ROBO1: variants seen among roughly 807,000 people sequenced by gnomAD.
The protein encoded by ROBO1 is roundabout homolog 1.
ROBO1 carries 149 observed loss-of-function variants against 195.9 expected under a neutral mutation model. The ratio of observed to expected loss-of-function variants is 0.76; its 90% confidence interval spans 0.67 to 0.87. ROBO1 has a LOEUF of 0.87. Among genes scored for constraint, ROBO1 ranks in the 40% least tolerant of loss-of-function variants. The probability of loss-of-function intolerance (pLI) is 0.00; values close to 1 mark genes in which losing one functional copy is unlikely to be tolerated. For missense variants in ROBO1, 1,933 were observed against 2,068.3 expected (o/e 0.93, Z 1.27); for synonymous variants, 816 against 733.2 (o/e 1.11, Z -1.82).
intron 26 of ROBO1, among the ~76,000 whole-genome samples, chr3:78,623,729 C>G (rs1375921299): frequency 2.0e-5 from 3 of 152,116 alleles, no homozygotes; most frequent in Non-Finnish European, 4.4e-5. Context: ...GCTGTCGGAA[C>G]TAGGAAAGTG....
intron 5 of ROBO1, among the ~76,000 whole-genome samples, chr3:78,723,988 AC>A (rs1366090702): frequency 6.6e-6 from 1 of 152,150 alleles, no homozygotes; most frequent in African/African-American, 2.4e-5. Flanking sequence ...TTATATACTC[AC>A]TGACAATAAT....
chr3:79,687,747 T>C (rs1407738764), intron 1 of ROBO1, among the ~76,000 whole-genome samples: 1 of 152,066 alleles, frequency 6.6e-6, no homozygotes, highest in Non-Finnish European at 1.5e-5. Flanking sequence ...TGTGGAGAAA[T>C]AGGAACACTT....
At chr3:78,953,617 T>A (rs1320904176) in intron 3 of ROBO1, among the ~76,000 whole-genome samples, 1 of 151,782 alleles carries the variant, frequency 6.6e-6, no homozygotes, top group Non-Finnish European at 1.5e-5. Flanking sequence ...TAGAAGAAAC[T>A]GGAATCAAAG....
At chr3:78,605,631 T>C (rs1703421817) in intron 29 of ROBO1, among the ~76,000 whole-genome samples, 1 of 152,220 alleles carries the variant, frequency 6.6e-6, no homozygotes, top group Non-Finnish European at 1.5e-5. Flanking sequence ...ACCTTTCTCC[T>C]CACCTTTAAA....
intron 2 of ROBO1, among the ~76,000 whole-genome samples, chr3:79,286,477 T>C (rs2031895328): frequency 6.6e-6 from 1 of 152,142 alleles, no homozygotes. Flanking sequence ...CTATATTAAA[T>C]GCCACATAGA....
At chr3:79,664,043 T>A (rs9815161) in intron 1 of ROBO1, among the ~76,000 whole-genome samples, 42,648 of 152,020 alleles carry the variant, frequency 0.28, 7,226 homozygotes, top group African/African-American at 0.48. Context: ...CTTTTCTGTG[T>A]CTACAGTAAG....
intron 8 of ROBO1, among the ~76,000 whole-genome samples, chr3:78,689,736 G>C (rs2081130372): frequency 6.6e-6 from 1 of 151,930 alleles, no homozygotes; most frequent in Non-Finnish European, 1.5e-5. Context: ...GACAGGGTTT[G>C]TCTACTCCAC....
chr3:79,657,996 T>C (rs1240335790), intron 1 of ROBO1, among the ~76,000 whole-genome samples: 7 of 152,038 alleles, frequency 4.6e-5, no homozygotes, highest in Non-Finnish European at 7.4e-5. Flanking sequence ...TGGCTGAATA[T>C]AGGAAAAAGA....
At chr3:79,149,427 T>C (rs1320228167) in intron 2 of ROBO1, among the ~76,000 whole-genome samples, 1 of 151,890 alleles carries the variant, frequency 6.6e-6, no homozygotes. Context: ...TTAATCATAG[T>C]TGTTTTATAT....
At chr3:79,562,224 C>T (rs1440444421) in intron 2 of ROBO1, among the ~76,000 whole-genome samples, 4 of 75,884 alleles carry the variant, frequency 5.3e-5, no homozygotes, top group Non-Finnish European at 1.0e-4. Context: ...ACACTAAATA[C>T]AACTTACTTT....
intron 2 of ROBO1, among the ~76,000 whole-genome samples, chr3:79,225,804 T>G (rs2082217379): frequency 6.6e-6 from 1 of 152,186 alleles, no homozygotes; most frequent in Non-Finnish European, 1.5e-5. Context: ...GCCTCTCAGT[T>G]GCTACCCTTT....
At chr3:79,040,156 A>G (rs2078458606) in intron 3 of ROBO1, among the ~76,000 whole-genome samples, 1 of 152,184 alleles carries the variant, frequency 6.6e-6, no homozygotes, top group African/African-American at 2.4e-5. Context: ...GTACCCTAGG[A>G]AGTGCTAATG....
At chr3:79,569,661 G>A (rs1246432728) in intron 2 of ROBO1, among the ~76,000 whole-genome samples, 1 of 143,702 alleles carries the variant, frequency 7.0e-6, no homozygotes, top group Non-Finnish European at 1.5e-5. Flanking sequence ...GTGTGTGTGT[G>A]TGTGTGTGTG....
chr3:78,830,835 T>C (rs2032113641), intron 4 of ROBO1, among the ~76,000 whole-genome samples: 1 of 152,186 alleles, frequency 6.6e-6, no homozygotes, highest in Non-Finnish European at 1.5e-5. Flanking sequence ...TAATTACTGA[T>C]GAACTACCAC....
intron 3 of ROBO1, among the ~76,000 whole-genome samples, chr3:79,104,196 T>C (rs1416842483): frequency 6.6e-6 from 1 of 151,826 alleles, no homozygotes; most frequent in Non-Finnish European, 1.5e-5. Context: ...TGTGGAATTC[T>C]TTTAGTATTT....
chr3:78,613,340 C>T (rs969580551), intron 28 of ROBO1, among the ~76,000 whole-genome samples: 1 of 152,040 alleles, frequency 6.6e-6, no homozygotes, highest in Non-Finnish European at 1.5e-5. Flanking sequence ...GATAAAACAG[C>T]CATAAAACTT....
intron 29 of ROBO1, among the ~76,000 whole-genome samples, chr3:78,602,964 T>A (rs1243783458): frequency 2.0e-5 from 3 of 152,178 alleles, no homozygotes; most frequent in Non-Finnish European, 4.4e-5. Context: ...CTTAAGTGTA[T>A]CCTTTCCACA....
chr3:79,027,945 T>C (rs989385202), intron 3 of ROBO1, among the ~76,000 whole-genome samples: 1 of 152,078 alleles, frequency 6.6e-6, no homozygotes, highest in Admixed American at 6.6e-5. Flanking sequence ...AAAAACAGGA[T>C]ACCGAAATTA....
chr3:79,215,786 G>GACA (rs2082046150), intron 2 of ROBO1, among the ~76,000 whole-genome samples: 1 of 152,168 alleles, frequency 6.6e-6, no homozygotes, highest in Admixed American at 6.6e-5. Context: ...CTTAAAGGGG[G>GACA]CTCAATTTGC....
Sources: allele counts gnomAD v4.1 joint callset (sites outside exome capture counted in the v4.1 genomes callset), GRCh38; gene constraint gnomAD v4.1.1; transcripts MANE v1.5; gene names NCBI Gene and HGNC (gene_info 2026-07-23, HGNC 2026-07-21).